The following SLC28A2 variants were observed in gnomAD, a reference collection of about 807,000 sequenced individuals.
SLC28A2 encodes sodium/nucleoside cotransporter 2.
SLC28A2 carries 69 observed loss-of-function variants against 72.9 expected under a neutral mutation model. The observed-to-expected ratio is 0.95, with a 90% CI of 0.78 to 1.16. SLC28A2 has a LOEUF of 1.16. Ranked by LOEUF, SLC28A2 falls within the 50% of genes most tolerant of loss-of-function variation. SLC28A2 has a pLI of 0.00. For missense variants in SLC28A2, 745 were observed against 791.1 expected, an observed-to-expected ratio of 0.94 and a Z score of 0.70; for synonymous variants, 296 against 294.1, an observed-to-expected ratio of 1.01 and a Z score of -0.07.
chr15:45,268,323 A>C lies in SLC28A2; in HGVS notation c.1313A>C (p.Asn438Thr), dbSNP rs765482503. The change falls in exon 13 of 18, where the codon AAT (asparagine) becomes ACT (threonine). Residue 438 changes from asparagine to threonine, a missense_variant. Asn to Thr is a moderately conservative substitution (Grantham distance 65). Coordinates refer to ENST00000347644, the MANE Select transcript of SLC28A2 (RefSeq NM_004212.4). Reference protein sequence around the residue: ...IAFLAVLAFINAALSWLGELV... With the variant: ...IAFLAVLAFITAALSWLGELV... ...TTTTTGGCTGTGTTGGCCTTCATCA[A>C]TGCTGCCCTCTCCTGGCTGGGGGAA... The C allele has an allele frequency of 3.1e-6, 5 of 1,610,182 alleles. No homozygotes were observed. The highest frequency in any genetic ancestry group is 4.2e-6 in the Non-Finnish European group (5 of 1,176,804).
Position 45,268,297 on chromosome 15 carries a change from C to T in SLC28A2, c.1287C>T (p.Ala429=), listed in dbSNP as rs1284831992. 14 of 1,612,712 alleles carry T rather than the reference C, an allele frequency of 8.7e-6. No homozygotes were observed. The highest frequency in any genetic ancestry group is 1.3e-5 in the African/African-American group (1 of 74,906). ...CTAATGTAGCAGCCAACCTGATTGC[C>T]TTTTTGGCTGTGTTGGCCTTCATCA... ...LATNVAANLI[A]FLAVLAFINA... is the part of the protein sequence containing the mutation. Residue 429 remains alanine (A), a synonymous_variant, in exon 13 of 18, where the codon GCC becomes GCT. Coordinates refer to ENST00000347644, the MANE Select transcript of SLC28A2 (RefSeq NM_004212.4).
Position 45,263,238 on chromosome 15 carries a change from C to T in SLC28A2, c.440C>T (p.Thr147Met), listed in dbSNP as rs546395509. 10 of 1,613,244 alleles carry T rather than the reference C, an allele frequency of 6.2e-6. No homozygotes were observed. The highest frequency in any genetic ancestry group is 4.4e-5 in the South Asian group (4 of 90,952). Residue 147 changes from threonine to methionine, a missense_variant, in exon 5 of 18, where the codon ACG becomes ATG. Coordinates refer to ENST00000347644, the MANE Select transcript of SLC28A2 (RefSeq NM_004212.4). ...PFENSRLRLW[T>M]KWVFAGVSLV... ...GAAAACTCCCGCCTGAGGCTTTGGA[C>T]GAAATGGTAAGATAAGAATCTCAAT...
chr15:45,264,052 G>C, intron 6 of SLC28A2, 30 bp downstream of exon 6: 1 of 1,585,894 alleles, frequency 6.3e-7, no homozygotes, highest in Non-Finnish European at 8.6e-7. Flanking sequence ...GTTGGGTATA[G>C]CAACACATGG....
rs753321646 is a variant in SLC28A2, at chr15:45,269,321, ATC to A, written c.1369-11_1369-10del. 6.2e-7 allele frequency: 1 copy of A among 1,608,370 alleles called. No homozygotes were observed. The highest frequency in any genetic ancestry group is 8.5e-7 in the Non-Finnish European group (1 of 1,175,130). Reference sequence around the variant, plus strand: ...TATTAGTCCTTCCTTTTCCTGTGATATCTCTCTTTCACTCAGGTCATCTGCTC... The same window carrying A: ...TATTAGTCCTTCCTTTTCCTGTGATATCTCTTTCACTCAGGTCATCTGCTC... On this transcript the variant is annotated splice_polypyrimidine_tract_variant and intron_variant, in intron 13 of 17. Coordinates refer to ENST00000347644, the MANE Select transcript of SLC28A2 (RefSeq NM_004212.4).
At chr15:45,255,605 G>C (rs1485649120) in intron 3 of SLC28A2, among the ~76,000 whole-genome samples, 1 of 152,100 alleles carries the variant, frequency 6.6e-6, no homozygotes, top group Non-Finnish European at 1.5e-5. Flanking sequence ...CTTATTTACA[G>C]TATTCGCCTG....
At chr15:45,260,197 A>G (rs1165706195) in intron 3 of SLC28A2, among the ~76,000 whole-genome samples, 1 of 152,234 alleles carries the variant, frequency 6.6e-6, no homozygotes, top group Non-Finnish European at 1.5e-5. Flanking sequence ...CAGGAGAGTC[A>G]GATAAAAAGA....
rs1359769844 is a variant in SLC28A2, at chr15:45,252,258, G to T, written c.-37G>T. 2.2e-6 allele frequency: 1 copy of T among 455,878 alleles called. No homozygotes were observed. The highest frequency in any genetic ancestry group is 2.3e-5 in the Admixed American group (1 of 42,574). The allele number at this position is 455,878 out of a possible 1,614,324, so 28.2% of individuals were successfully genotyped here. A position where few individuals can be genotyped will look rare whatever the true frequency, so the allele number is the denominator to read the frequency against. On this transcript the variant is annotated 5_prime_UTR_variant, in exon 1 of 18. Coordinates refer to ENST00000347644, the MANE Select transcript of SLC28A2 (RefSeq NM_004212.4). ...CAGTCCTTCACTGAGGAGCCAGAGG[G>T]AATCAATTCCACAAGCTGGGGTAAG...
At chr15:45,265,212 G>A (rs903152501) in intron 8 of SLC28A2, 46 bp downstream of exon 8, 11 of 1,240,348 alleles carry the variant, frequency 8.9e-6, no homozygotes, top group Non-Finnish European at 1.3e-5. Context: ...TGGAGGGGTA[G>A]AGGAATAAAG....
intron 4 of SLC28A2, 89 bp from the exon 5 acceptor site, chr15:45,262,972 T>G (rs1299493468): frequency 8.6e-7 from 1 of 1,166,190 alleles, no homozygotes; most frequent in African/African-American, 1.5e-5. Flanking sequence ...TTTTTCTTGC[T>G]CTAAGTCCCA....
rs1241805974 is a variant in SLC28A2 at position 45,272,323 on chromosome 15, C to T, written c.1677C>T (p.Asp559=). 1 of 1,613,970 alleles carries T rather than the reference C, an allele frequency of 6.2e-7. No homozygotes were observed. The highest frequency in any genetic ancestry group is 1.3e-5 in the African/African-American group (1 of 75,040). ...CAATAGTACCTCACCGGAAGAGTGACTTGTCCAAGGTTGTGGTCAGGGCCC... is the reference window on the plus strand; with the variant it reads ...CAATAGTACCTCACCGGAAGAGTGATTTGTCCAAGGTTGTGGTCAGGGCCC... ...LTSIVPHRKS[D]LSKVVVRALF... Residue 559 remains aspartate (D), a synonymous_variant, in exon 16 of 18, where the codon GAC becomes GAT. Coordinates refer to ENST00000347644, the MANE Select transcript of SLC28A2 (RefSeq NM_004212.4).
intron 16 of SLC28A2, 72 bp from the exon 17 acceptor site, chr15:45,272,601 G>A (rs760400083): frequency 2.1e-6 from 2 of 959,692 alleles, no homozygotes; most frequent in Admixed American, 1.8e-5. Flanking sequence ...CACAATTCGT[G>A]CCAAAAGAAT....
Position 45,261,897 on chromosome 15 carries a change from AT to A in SLC28A2, c.171-116del. 3 of 744,602 alleles carry A rather than the reference AT, an allele frequency of 4.0e-6. No homozygotes were observed. The Admixed American group carries it at 5.9e-5, about 15-fold the overall frequency. 46.1% of individuals were successfully genotyped at this position (744,602 alleles called of 1,614,324 possible). A position where few individuals can be genotyped will look rare whatever the true frequency, so the allele number is the denominator to read the frequency against. ...CCTAACTTCCTCCTGGCTGAAGAATATTCTTCATTGACTAAGAGCTAATTCT... is the reference window on the plus strand; with the variant it reads ...CCTAACTTCCTCCTGGCTGAAGAATATCTTCATTGACTAAGAGCTAATTCT... On this transcript the variant is annotated intron_variant, in intron 3 of 17. Coordinates refer to ENST00000347644, the MANE Select transcript of SLC28A2 (RefSeq NM_004212.4).
chr15:45,273,189 T>C (rs552856805), intron 17 of SLC28A2, among the ~76,000 whole-genome samples: 68 of 152,236 alleles, frequency 4.5e-4, no homozygotes, highest in African/African-American at 1.4e-3. Context: ...AAAAAGAAAT[T>C]ACTTATTGTG....
At chr15:45,263,487 G>T (rs1289741780) in intron 5 of SLC28A2, among the ~76,000 whole-genome samples, 1 of 152,182 alleles carries the variant, frequency 6.6e-6, no homozygotes, top group Non-Finnish European at 1.5e-5. Flanking sequence ...TAGTCTGATT[G>T]TCATCAGAGC....
rs1900775650 is a variant in SLC28A2, at chr15:45,277,157, C to T, written c.*1644C>T. On this transcript the variant is annotated 3_prime_UTR_variant, in exon 18 of 18. Coordinates refer to ENST00000347644, the MANE Select transcript of SLC28A2 (RefSeq NM_004212.4). The stretch of plus-strand genomic sequence containing the variant: ...CGAAGAATTACCTGGTCCCAAACGT[C>T]AATTGTGCTGAGACTCAGAAACTCT... 1.3e-5 allele frequency: 2 copies of T among 151,774 alleles called. No homozygotes were observed. Among genetic ancestry groups the T allele is most frequent in the East Asian group, 3.9e-4 (2 of 5,180 alleles). The allele number at this position is 151,774 out of a possible 1,614,324, so 9.4% of individuals were successfully genotyped here.
chr15:45,269,244 A>G, intron 13 of SLC28A2, 94 bp from the exon 14 acceptor site: 1 of 949,004 alleles, frequency 1.1e-6, no homozygotes, highest in Non-Finnish European at 1.7e-6. Context: ...AGAAGGGTGG[A>G]AGAGATTGGG....
At chr15:45,270,468 A>G (rs1900514854) in intron 15 of SLC28A2, among the ~76,000 whole-genome samples, 192 bp downstream of exon 15, 1 of 152,164 alleles carries the variant, frequency 6.6e-6, no homozygotes, top group African/African-American at 2.4e-5. Context: ...ACAGCCCTTT[A>G]TAATCTCAAC....
intron 17 of SLC28A2, 88 bp downstream of exon 17, chr15:45,272,872 G>A: frequency 1.4e-6 from 1 of 717,180 alleles, no homozygotes; most frequent in East Asian, 2.6e-5. Context: ...AGTGTATAAG[G>A]GCTGTGAGTA....
chr15:45,269,222 G>C (rs944023156), intron 13 of SLC28A2, 116 bp from the exon 14 acceptor site: 6 of 775,408 alleles, frequency 7.7e-6, no homozygotes. Flanking sequence ...TAAGCCAAGA[G>C]AGAGCATGAA....
Sources: gnomAD v4.1 joint callset for allele counts (sites outside exome capture counted in the v4.1 genomes callset) on GRCh38, gnomAD v4.1.1 for gene constraint, MANE v1.5 for transcripts, NCBI Gene and HGNC (gene_info 2026-07-23, HGNC 2026-07-21) for gene names.